USH2A: variants seen among roughly 807,000 people sequenced by gnomAD.
The protein encoded by USH2A is Usher syndrome 2A (autosomal recessive, mild).
Under a neutral mutation model 538.9 loss-of-function variants are expected in USH2A, and 443 were observed. The observed-to-expected ratio is 0.82, with a 90% CI of 0.76 to 0.89. The LOEUF (loss-of-function observed/expected upper bound fraction) is 0.89. USH2A is among the 40% of genes least tolerant of loss of function. The probability of loss-of-function intolerance (pLI) is 0.00; values close to 1 mark genes in which losing one functional copy is unlikely to be tolerated. For missense variants in USH2A, 6,633 were observed against 6,324.8 expected (o/e 1.05, Z -1.65); for synonymous variants, 2,413 against 2,273.5 (o/e 1.06, Z -1.75).
intron 26 of USH2A, among the ~76,000 whole-genome samples, chr1:216,081,104 G>A (rs1452362454): frequency 2.0e-5 from 3 of 152,084 alleles, no homozygotes; most frequent in Non-Finnish European, 4.4e-5. Context: ...TAGCAATCTA[G>A]CTACTAGAAC....
In USH2A at chr1:215,782,620, G is replaced by A. The variant is rs190306603; in HGVS notation, c.10585+118C>T. The A allele has an allele frequency of 1.1e-4, 115 of 1,090,828 alleles. No homozygotes were observed. In the African/African-American group the frequency reaches 1.3e-3, roughly 13 times the overall value. The allele number at this position is 1,090,828 out of a possible 1,614,324, so 67.6% of individuals were successfully genotyped here. A position where few individuals can be genotyped will look rare whatever the true frequency, so the allele number is the denominator to read the frequency against. On this transcript the variant is annotated intron_variant, in intron 53 of 71. Transcript: ENST00000307340. Reference sequence around the variant, plus strand: ...TCACATAATTACAGTTCCCTTTATCGGAACATACTTTTCTAGTGGTTAGAT... The same window carrying A: ...TCACATAATTACAGTTCCCTTTATCAGAACATACTTTTCTAGTGGTTAGAT...
chr1:216,122,883 A>G (rs1338200826), intron 21 of USH2A, among the ~76,000 whole-genome samples: 2 of 152,204 alleles, frequency 1.3e-5, no homozygotes, highest in Admixed American at 6.5e-5. Flanking sequence ...ATTGCTTTTT[A>G]TCAAGGTCAG....
At chr1:216,373,472 C>A (rs1418996848) in intron 3 of USH2A, among the ~76,000 whole-genome samples, 31 of 152,130 alleles carry the variant, frequency 2.0e-4, no homozygotes, top group Non-Finnish European at 4.4e-5. Flanking sequence ...TTTTTTATTA[C>A]TTTAAAAAAT....
At chr1:216,202,072 A>T (rs2035013772) in intron 16 of USH2A, among the ~76,000 whole-genome samples, 1 of 152,146 alleles carries the variant, frequency 6.6e-6, no homozygotes, top group Non-Finnish European at 1.5e-5. Flanking sequence ...GAAAACATTA[A>T]CAAAATTTGA....
intron 27 of USH2A, among the ~76,000 whole-genome samples, chr1:216,074,862 T>C (rs2031696241): frequency 1.3e-5 from 2 of 152,214 alleles, no homozygotes; most frequent in Non-Finnish European, 2.9e-5. Flanking sequence ...TAAGAAATGC[T>C]ACATTATTTT....
chr1:215,774,134 T>C (rs966836106), intron 55 of USH2A, among the ~76,000 whole-genome samples: 13 of 152,154 alleles, frequency 8.5e-5, no homozygotes, highest in African/African-American at 3.1e-4. Flanking sequence ...CTACCTCATA[T>C]GAACTGAACA....
At chr1:216,204,578 AAACT>A (rs1160418158) in intron 16 of USH2A, among the ~76,000 whole-genome samples, 4 of 152,176 alleles carry the variant, frequency 2.6e-5, no homozygotes, top group Non-Finnish European at 4.4e-5. Flanking sequence ...GGTCTCAAAC[AAACT>A]ATCAAACTTG....
intron 46 of USH2A, among the ~76,000 whole-genome samples, chr1:215,838,431 A>T (rs1182695392): frequency 6.6e-6 from 1 of 152,208 alleles, no homozygotes; most frequent in East Asian, 1.9e-4. Flanking sequence ...ACAGTTTGCA[A>T]GCATAACAGG....
intron 35 of USH2A, among the ~76,000 whole-genome samples, chr1:215,977,403 GT>G: frequency 6.6e-6 from 1 of 152,182 alleles, no homozygotes; most frequent in Admixed American, 6.5e-5. Flanking sequence ...TTTAAACAAA[GT>G]TTTGATTTAT....
In USH2A at chr1:216,078,144, C is replaced by T. The variant is rs111033421; in HGVS notation, c.5517G>A (p.Val1839=). 1,265 of 1,613,710 alleles carry T rather than the reference C, an allele frequency of 7.8e-4. 14 individuals carry two copies. The African/African-American group carries it at 0.015, about 19-fold the overall frequency. Reference sequence around the variant, plus strand: ...TCAGCAGTTCCTGTGGGATTCCTCCCACATAAACTGGTGAATTCACCACCA... The same window carrying T: ...TCAGCAGTTCCTGTGGGATTCCTCCTACATAAACTGGTGAATTCACCACCA... ...QPLVVNSPVY[V]GGIPQELLNS... The change falls in exon 27 of 72, where the codon GTG becomes GTA. Residue 1839 remains valine, a synonymous_variant. Coordinates refer to ENST00000307340, the MANE Select transcript of USH2A (RefSeq NM_206933.4).
chr1:215,674,021 A>G, intron 63 of USH2A, 79 bp downstream of exon 63: 2 of 1,612,514 alleles, frequency 1.2e-6, no homozygotes, highest in Non-Finnish European at 1.7e-6. Flanking sequence ...TAGAGTCTTC[A>G]TTAGAACTGA....
At chr1:216,378,375 C>A (rs1558062139) in intron 3 of USH2A, among the ~76,000 whole-genome samples, 3 of 152,100 alleles carry the variant, frequency 2.0e-5, no homozygotes, top group Admixed American at 1.3e-4. Context: ...CACTTCCATT[C>A]TATGTAAATA....
At chr1:215,719,351 A>G (rs2102705389) in intron 61 of USH2A, among the ~76,000 whole-genome samples, 1 of 110,840 alleles carries the variant, frequency 9.0e-6, no homozygotes, top group South Asian at 3.4e-4. Flanking sequence ...ACCGTAATAA[A>G]CCTCAGGAGA....
intron 67 of USH2A, among the ~76,000 whole-genome samples, chr1:215,642,613 T>C (rs1236331426): frequency 6.6e-6 from 1 of 152,172 alleles, no homozygotes; most frequent in Non-Finnish European, 1.5e-5. Context: ...TACTCCAAAT[T>C]CATAACTTTT....
At chr1:216,351,589 C>G (rs1312377286) in intron 4 of USH2A, among the ~76,000 whole-genome samples, 2 of 152,172 alleles carry the variant, frequency 1.3e-5, no homozygotes, top group African/African-American at 4.8e-5. Context: ...GTGGTTTTCA[C>G]TCTGGTAAAA....
chr1:215,786,840 G>C lies in USH2A; in HGVS notation c.10217C>G (p.Ser3406Cys), dbSNP rs774237501. The C allele has an allele frequency of 4.3e-6, 7 of 1,613,828 alleles. No individual in the cohort carries two copies. In the Admixed American group the frequency reaches 1.2e-4, roughly 27 times the overall value. The part of the protein sequence containing the change: ...TKECRILCPA[S>C]MEATEHCGRC... ...GCCACAATGTTCTGTGGCTTCCATA[G>C]ATGCTGGGCAGAGGATCCTGCACTC... The change falls in exon 52 of 72, where the codon TCT becomes TGT. Residue 3406 changes from serine to cysteine, a missense_variant. Ser to Cys is a moderately radical substitution (Grantham distance 112). Coordinates refer to ENST00000307340, the MANE Select transcript of USH2A (RefSeq NM_206933.4).
In USH2A at chr1:215,877,748, G is replaced by A. The variant is rs755654922; in HGVS notation, c.8681+10C>T. Reference sequence around the variant, plus strand: ...GCCAGCATTTGTTTTTATAGTTTTTGTAATCTCACCTGCTAAGACCCTTAT... The same window carrying A: ...GCCAGCATTTGTTTTTATAGTTTTTATAATCTCACCTGCTAAGACCCTTAT... On this transcript the variant is annotated intron_variant, in intron 43 of 71. Transcript: ENST00000307340. 1.7e-5 allele frequency: 27 copies of A among 1,613,204 alleles called. No homozygotes were observed. The highest frequency in any genetic ancestry group is 2.1e-5 in the Non-Finnish European group (25 of 1,179,470).
At chr1:215,808,574 T>G (rs1179394204) in intron 49 of USH2A, among the ~76,000 whole-genome samples, 1 of 152,130 alleles carries the variant, frequency 6.6e-6, no homozygotes. Context: ...GCTATCCCTG[T>G]ATAGTCACAT....
intron 3 of USH2A, among the ~76,000 whole-genome samples, chr1:216,412,990 G>T (rs190727740): frequency 6.6e-6 from 1 of 152,062 alleles, no homozygotes; most frequent in Admixed American, 6.6e-5. Flanking sequence ...GTTTAATATA[G>T]TGCACATAAA....
Sources: allele counts gnomAD v4.1 joint callset (sites outside exome capture counted in the v4.1 genomes callset), GRCh38; gene constraint gnomAD v4.1.1; transcripts MANE v1.5; gene names NCBI Gene and HGNC (gene_info 2026-07-23, HGNC 2026-07-21).